CNTN5: variants seen among roughly 807,000 people sequenced by gnomAD.
CNTN5 encodes contactin 5, also known as contactin-5.
CNTN5 carries 77 observed loss-of-function variants against 129.1 expected under a neutral mutation model. The ratio of observed to expected loss-of-function variants is 0.60; its 90% CI spans 0.50 to 0.72. The LOEUF is 0.72. CNTN5 is among the 30% of genes least tolerant of loss of function. The probability of loss-of-function intolerance (pLI) is 0.00; values close to 1 mark genes in which losing one functional copy is unlikely to be tolerated. For synonymous variants in CNTN5, 509 were observed against 465.6 expected (o/e 1.09, Z -1.20); for missense variants, 1,478 against 1,328.8 (o/e 1.11, Z -1.75).
chr11:99,878,476 C>T (rs1340013287), intron 6 of CNTN5, among the ~76,000 whole-genome samples: 1 of 152,106 alleles, frequency 6.6e-6, no homozygotes, highest in Non-Finnish European at 1.5e-5. Context: ...AGGTGTCATG[C>T]ACATTGTAAA....
At chr11:99,026,296 T>C (rs1167884083) in intron 1 of CNTN5, among the ~76,000 whole-genome samples, 1 of 151,618 alleles carries the variant, frequency 6.6e-6, no homozygotes, top group Non-Finnish European at 1.5e-5. Context: ...ACCTTCTTCT[T>C]CATATTCTTT....
intron 3 of CNTN5, among the ~76,000 whole-genome samples, chr11:99,624,461 T>C (rs550093025): frequency 1.3e-5 from 2 of 152,152 alleles, no homozygotes; most frequent in Non-Finnish European, 2.9e-5. Flanking sequence ...CTTCAAATAA[T>C]GTTTGAGTTT....
intron 1 of CNTN5, among the ~76,000 whole-genome samples, chr11:99,058,101 C>T (rs936409442): frequency 2.6e-5 from 4 of 151,728 alleles, no homozygotes; most frequent in Non-Finnish European, 5.9e-5. Context: ...GAAGGGATGA[C>T]GACAGAAAGA....
At chr11:99,540,696 G>T (rs139214543) in intron 2 of CNTN5, among the ~76,000 whole-genome samples, 4 of 151,994 alleles carry the variant, frequency 2.6e-5, no homozygotes, top group Admixed American at 6.6e-5. Flanking sequence ...TTTGGAAAGG[G>T]GCAAATGATA....
chr11:100,206,717 G>T (rs866067498), intron 15 of CNTN5, among the ~76,000 whole-genome samples: 1 of 151,816 alleles, frequency 6.6e-6, no homozygotes. Flanking sequence ...AATGTACTTC[G>T]GGAAAACAGG....
At chr11:99,079,927 G>T (rs1865723324) in intron 1 of CNTN5, among the ~76,000 whole-genome samples, 1 of 152,198 alleles carries the variant, frequency 6.6e-6, no homozygotes, top group African/African-American at 2.4e-5. Context: ...GGAATAAAGA[G>T]ATTGCCTTTA....
chr11:100,113,491 ACAAG>A (rs1945733954), intron 13 of CNTN5, among the ~76,000 whole-genome samples: 1 of 150,232 alleles, frequency 6.7e-6, no homozygotes, highest in African/African-American at 2.4e-5. Flanking sequence ...AAAGAAAAAA[ACAAG>A]CAAACAAACA....
intron 6 of CNTN5, among the ~76,000 whole-genome samples, chr11:99,883,823 C>G (rs1039728773): frequency 3.9e-5 from 6 of 152,186 alleles, no homozygotes; most frequent in Non-Finnish European, 7.3e-5. Context: ...TGTCCACACC[C>G]TTTTCAGACT....
chr11:99,244,691 C>A (rs1861730652), intron 1 of CNTN5, among the ~76,000 whole-genome samples: 2 of 152,270 alleles, frequency 1.3e-5, no homozygotes, highest in African/African-American at 2.4e-5. Context: ...GCTACTGAGT[C>A]CTACTACATA....
chr11:99,176,463 C>T (rs1346899099), intron 1 of CNTN5, among the ~76,000 whole-genome samples: 1 of 152,154 alleles, frequency 6.6e-6, no homozygotes, highest in Non-Finnish European at 1.5e-5. Flanking sequence ...AAAATGGATA[C>T]TTCCAAAATC....
intron 1 of CNTN5, among the ~76,000 whole-genome samples, chr11:99,087,669 T>A (rs1866057764): frequency 6.6e-6 from 1 of 152,234 alleles, no homozygotes; most frequent in African/African-American, 2.4e-5. Context: ...TCTTTTCTAA[T>A]AATAAATGTG....
chr11:99,189,964 T>C (rs751751518), intron 1 of CNTN5, among the ~76,000 whole-genome samples: 6 of 151,572 alleles, frequency 4.0e-5, no homozygotes, highest in Non-Finnish European at 8.9e-5. Flanking sequence ...TTTATTCCTA[T>C]CCAAAAAAAT....
At chr11:99,430,520 A>G (rs143761652) in intron 2 of CNTN5, among the ~76,000 whole-genome samples, 1 of 150,462 alleles carries the variant, frequency 6.6e-6, no homozygotes, top group South Asian at 2.1e-4. Context: ...CTCTCTCTAT[A>G]TATATATAGC....
intron 2 of CNTN5, among the ~76,000 whole-genome samples, chr11:99,440,520 A>G (rs1011846114): frequency 1.1e-4 from 17 of 152,188 alleles, no homozygotes; most frequent in Non-Finnish European, 4.4e-5. Flanking sequence ...AAAGACTTTC[A>G]GAATTATTTG....
intron 4 of CNTN5, among the ~76,000 whole-genome samples, chr11:99,843,458 A>G (rs1237726491): frequency 1.3e-5 from 2 of 152,054 alleles, no homozygotes; most frequent in Non-Finnish European, 2.9e-5. Flanking sequence ...ATTTTTTTTT[A>G]GCTCAAATTT....
rs1862846297 is a variant in CNTN5 at position 99,020,989 on chromosome 11, A to G, written c.-491A>G. On this transcript the variant is annotated 5_prime_UTR_variant, in exon 1 of 25. Transcript: ENST00000524871. ...GGCGCCGCACCTACTTCCCAATATA[A>G]CCAACTACGGCGTGGGGGAGCGGAA... 1 of 152,612 alleles carries G rather than the reference A, an allele frequency of 6.6e-6. No homozygotes were observed. Among genetic ancestry groups the G allele is most frequent in the Non-Finnish European group, 1.5e-5 (1 of 68,420 alleles). 9.5% of individuals were successfully genotyped at this position (152,612 alleles called of 1,614,324 possible).
chr11:99,710,150 CAG>C (rs1165970704), intron 3 of CNTN5, among the ~76,000 whole-genome samples: 5 of 151,812 alleles, frequency 3.3e-5, no homozygotes, highest in African/African-American at 7.2e-5. Flanking sequence ...AAGCACTTCC[CAG>C]TCGATACGGT....
At chr11:100,235,561 T>C (rs1338046829) in intron 16 of CNTN5, among the ~76,000 whole-genome samples, 2 of 152,102 alleles carry the variant, frequency 1.3e-5, no homozygotes, top group Non-Finnish European at 2.9e-5. Flanking sequence ...CTAAGGCCCA[T>C]AATGTTAAAG....
chr11:99,871,935 A>G (rs1237402256), intron 6 of CNTN5, among the ~76,000 whole-genome samples: 2 of 151,410 alleles, frequency 1.3e-5, no homozygotes, highest in Non-Finnish European at 3.0e-5. Flanking sequence ...ATATAAATAT[A>G]ATATTGTAAC....
Sources: allele counts gnomAD v4.1 joint callset (sites outside exome capture counted in the v4.1 genomes callset), GRCh38; gene constraint gnomAD v4.1.1; transcripts MANE v1.5; gene names NCBI Gene and HGNC (gene_info 2026-07-23, HGNC 2026-07-21).